MRPS9: variants seen among roughly 807,000 people sequenced by gnomAD.
MRPS9 encodes small ribosomal subunit protein uS9m.
A neutral mutation model predicts 59.9 loss-of-function variants in MRPS9; 45 were observed. The ratio of observed to expected loss-of-function variants is 0.75; its 90% CI spans 0.59 to 0.96. The LOEUF is 0.96. Ranked by LOEUF, MRPS9 falls within the 40% of genes least tolerant of loss-of-function variation. The pLI is 0.00. For synonymous variants in MRPS9, 171 were observed against 166.8 expected (o/e 1.03, Z -0.19); for missense variants, 473 against 481.1 (o/e 0.98, Z 0.16).
intron 4 of MRPS9, among the ~76,000 whole-genome samples, chr2:105,074,824 C>T (rs774502550): frequency 3.9e-5 from 6 of 152,222 alleles, no homozygotes; most frequent in Non-Finnish European, 8.8e-5. Flanking sequence ...AACCGGTGGT[C>T]CCCAGCCTTT....
chr2:105,038,345 T>A (rs1404618582), intron 1 of MRPS9, 118 bp downstream of exon 1: 3 of 1,350,798 alleles, frequency 2.2e-6, no homozygotes, highest in Non-Finnish European at 3.0e-6. Flanking sequence ...GGATCTTAGG[T>A]ATTTAGTGGA....
At position 105,054,597 on chromosome 2, in the gene MRPS9, T is replaced by C. The variant is rs112313735; in HGVS notation, c.315+5247T>C. On this transcript the variant is annotated intron_variant, in intron 2 of 10. Coordinates refer to ENST00000258455, the MANE Select transcript of MRPS9 (RefSeq NM_182640.3). ...ATAGCGGACCCCTTTTGGTATCGCATTTTATTAAATATAGCGGGCCCCTTT... is the reference window on the plus strand; with the variant it reads ...ATAGCGGACCCCTTTTGGTATCGCACTTTATTAAATATAGCGGGCCCCTTT... Among the ~76,000 whole-genome samples the C allele has an allele frequency of 7.3e-3, 1,086 of 149,582 alleles. 22 individuals carry two copies. Among genetic ancestry groups the C allele is most frequent in the African/African-American group, 0.026 (1,023 of 39,362 alleles).
intron 2 of MRPS9, among the ~76,000 whole-genome samples, chr2:105,057,199 C>T (rs181902612): frequency 5.9e-5 from 9 of 152,196 alleles, no homozygotes; most frequent in Admixed American, 5.9e-4. Context: ...TACTGATAAC[C>T]TTTAGAAGAT....
intron 2 of MRPS9, among the ~76,000 whole-genome samples, chr2:105,053,497 A>G (rs1256875635): frequency 2.6e-5 from 4 of 152,214 alleles, no homozygotes; most frequent in South Asian, 2.1e-4. Context: ...TGAGCAAAAC[A>G]TTTAAGATTT....
chr2:105,050,772 A>T (rs1679697133), intron 2 of MRPS9, among the ~76,000 whole-genome samples: 1 of 152,198 alleles, frequency 6.6e-6, no homozygotes, highest in South Asian at 2.1e-4. Context: ...CTAATTTTCA[A>T]ATCACCTAGA....
rs111475030 is a variant in MRPS9 at position 105,049,370 on chromosome 2, T to A, written c.315+20T>A. On this transcript the variant is annotated intron_variant, in intron 2 of 10. Coordinates refer to ENST00000258455, the MANE Select transcript of MRPS9 (RefSeq NM_182640.3). ...ATTGACGTAAGTACAGTTACTCTGT[T>A]GAAAAAGTAATTGCTGTAGAGTTTT... 1 of 1,589,296 alleles carries A rather than the reference T, an allele frequency of 6.3e-7. No individual in the cohort carries two copies. The highest frequency in any genetic ancestry group is 2.2e-5 in the East Asian group (1 of 44,636).
intron 2 of MRPS9, among the ~76,000 whole-genome samples, chr2:105,051,101 T>A (rs2104442446): frequency 6.6e-6 from 1 of 152,358 alleles, no homozygotes; most frequent in Non-Finnish European, 1.5e-5. Flanking sequence ...CTTATGTGTA[T>A]ACCTTAGAAA....
intron 1 of MRPS9, among the ~76,000 whole-genome samples, chr2:105,047,335 A>C (rs1335946674): frequency 6.6e-6 from 1 of 152,044 alleles, no homozygotes; most frequent in East Asian, 1.9e-4. Context: ...TATTTTTACT[A>C]TCTTAATTTG....
intron 2 of MRPS9, among the ~76,000 whole-genome samples, chr2:105,063,352 A>G (rs1179790475): frequency 6.6e-6 from 1 of 152,268 alleles, no homozygotes; most frequent in Non-Finnish European, 1.5e-5. Flanking sequence ...TTATGTGTAT[A>G]TACATATGTA....
At position 105,038,255 on chromosome 2, in the gene MRPS9, T is replaced by C. The variant is rs776822017; in HGVS notation, c.135+28T>C. On this transcript the variant is annotated intron_variant, in intron 1 of 10. Transcript: ENST00000258455. ...AAGGCCTGGGAAGACTGGAAGCGGC[T>C]TACCTCTGCCGCGCGAGGATGTGGA... 1.1e-5 allele frequency: 18 copies of C among 1,600,796 alleles called. 1 individual carries two copies. In the South Asian group the frequency reaches 1.9e-4, roughly 17 times the overall value.
intron 6 of MRPS9, among the ~76,000 whole-genome samples, chr2:105,089,311 T>A (rs1680510853): frequency 1.3e-5 from 2 of 152,218 alleles, no homozygotes; most frequent in Non-Finnish European, 2.9e-5. Context: ...TATACCTGGA[T>A]ATGATGTCCT....
At chr2:105,087,344 C>T (rs1009762673) in intron 5 of MRPS9, among the ~76,000 whole-genome samples, 5 of 152,022 alleles carry the variant, frequency 3.3e-5, no homozygotes, top group African/African-American at 1.2e-4. Flanking sequence ...TTCATTTGTC[C>T]CTCTGCTATT....
chr2:105,091,415 T>C, intron 7 of MRPS9: 1 of 470,942 alleles, frequency 2.1e-6, no homozygotes, highest in Non-Finnish European at 4.4e-6. Flanking sequence ...CATGGAGCTC[T>C]GCCCACCCAA....
rs557956339 is a variant in MRPS9, at chr2:105,089,209, A to G, written c.575+140A>G. ...AAGCATTAAGGTTAGGGTTCAAAAT[A>G]ATAGATAGTTTTTGTTTAGGAGGAA... On this transcript the variant is annotated intron_variant, in intron 6 of 10. Coordinates refer to ENST00000258455, the MANE Select transcript of MRPS9 (RefSeq NM_182640.3). The G allele has an allele frequency of 8.8e-5, 49 of 554,000 alleles. No homozygotes were observed. The African/African-American group carries it at 9.0e-4, about 10-fold the overall frequency. 34.3% of individuals were successfully genotyped at this position (554,000 alleles called of 1,614,324 possible).
chr2:105,094,479 G>T (rs1680620723), intron 9 of MRPS9, among the ~76,000 whole-genome samples: 1 of 152,080 alleles, frequency 6.6e-6, no homozygotes, highest in Non-Finnish European at 1.5e-5. Flanking sequence ...TCCTTCTCCT[G>T]TTTCCTGCAT....
chr2:105,061,770 C>T (rs1340527363), intron 2 of MRPS9, among the ~76,000 whole-genome samples: 2 of 152,086 alleles, frequency 1.3e-5, no homozygotes, highest in Non-Finnish European at 2.9e-5. Flanking sequence ...AGATACTGTT[C>T]GTATGGGTGC....
intron 9 of MRPS9, among the ~76,000 whole-genome samples, chr2:105,095,807 TTTATATTTACTTTTTTTTTTTAAGAGAC>T (rs1487309766): frequency 6.6e-6 from 1 of 151,868 alleles, no homozygotes; most frequent in Admixed American, 6.6e-5. Flanking sequence ...TAAATTTTCT[TTTATATTTACTTTTTTTTTTTAAGAGAC>T]AAGGTCTCTT....
intron 6 of MRPS9, among the ~76,000 whole-genome samples, chr2:105,089,488 C>G (rs187322932): frequency 6.6e-6 from 1 of 152,206 alleles, no homozygotes; most frequent in African/African-American, 2.4e-5. Flanking sequence ...TTTGGCCTAT[C>G]TATTCAAGAT....
intron 4 of MRPS9, 144 bp downstream of exon 4, chr2:105,071,633 A>G: frequency 1.4e-6 from 1 of 709,380 alleles, no homozygotes. Flanking sequence ...TTTTGTAACA[A>G]TGAATGAGTG....
Sources: allele counts gnomAD v4.1 joint callset (sites outside exome capture counted in the v4.1 genomes callset), GRCh38; gene constraint gnomAD v4.1.1; transcripts MANE v1.5; gene names NCBI Gene and HGNC (gene_info 2026-07-23, HGNC 2026-07-21).